SLC13A3: variants seen among roughly 807,000 people sequenced by gnomAD.
SLC13A3 encodes Na(+)/dicarboxylate cotransporter 3.
In SLC13A3, 40 loss-of-function variants were observed where a neutral mutation model predicts 59.0. The observed-to-expected ratio is 0.68, with a 90% CI of 0.53 to 0.88. SLC13A3 has a LOEUF of 0.88. SLC13A3 is among the 40% of genes least tolerant of loss of function. The probability of loss-of-function intolerance (pLI) is 0.00; values close to 1 mark genes in which losing one functional copy is unlikely to be tolerated. For synonymous variants in SLC13A3, 317 were observed against 330.3 expected (o/e 0.96, Z 0.44); for missense variants, 699 against 783.2 (o/e 0.89, Z 1.28).
At chr20:46,649,637 C>G (rs1418575772) in intron 1 of SLC13A3, among the ~76,000 whole-genome samples, 1 of 152,156 alleles carries the variant, frequency 6.6e-6, no homozygotes, top group Non-Finnish European at 1.5e-5. Flanking sequence ...CACATCAATC[C>G]CAGAAGCTAG....
chr20:46,682,147 CATCCAAAAACTCAATA>C (rs1477551116), intron 1 of SLC13A3: 1 of 152,158 alleles, frequency 6.6e-6, no homozygotes, highest in Admixed American at 6.5e-5. Flanking sequence ...TTTAAGGAGG[CATCCAAAAACTCAATA>C]ATCCAAAAAA....
chr20:46,631,355 A>G (rs2062734272), intron 1 of SLC13A3, among the ~76,000 whole-genome samples: 1 of 152,194 alleles, frequency 6.6e-6, no homozygotes, highest in Admixed American at 6.5e-5. Flanking sequence ...AGTACATACA[A>G]TGGAGGAAGT....
intron 1 of SLC13A3, among the ~76,000 whole-genome samples, chr20:46,635,689 G>A (rs1206022042): frequency 6.6e-6 from 1 of 152,314 alleles, no homozygotes; most frequent in Admixed American, 6.5e-5. Flanking sequence ...ATGAGGCTGA[G>A]ACCTGCTGGG....
At chr20:46,570,610 T>A (rs962630909) in intron 10 of SLC13A3, among the ~76,000 whole-genome samples, 1 of 152,190 alleles carries the variant, frequency 6.6e-6, no homozygotes, top group African/African-American at 2.4e-5. Flanking sequence ...TCCCACCACA[T>A]ATCACAGCCT....
intron 1 of SLC13A3, among the ~76,000 whole-genome samples, chr20:46,656,557 A>T (rs2062995886): frequency 6.8e-6 from 1 of 146,806 alleles, no homozygotes; most frequent in Non-Finnish European, 1.5e-5. Context: ...ATTATACTGT[A>T]TATGATATAT....
At chr20:46,601,892 A>AG (rs931409556) in intron 3 of SLC13A3, among the ~76,000 whole-genome samples, 1 of 152,114 alleles carries the variant, frequency 6.6e-6, no homozygotes, top group Non-Finnish European at 1.5e-5. Flanking sequence ...GAGAAGTGGC[A>AG]GGGGGTGGAG....
intron 3 of SLC13A3, chr20:46,609,059 T>TA: frequency 6.5e-7 from 1 of 1,550,072 alleles, no homozygotes; most frequent in Non-Finnish European, 8.7e-7. Flanking sequence ...GTTCTATTCC[T>TA]AAAAGAACAA....
intron 1 of SLC13A3, among the ~76,000 whole-genome samples, chr20:46,617,498 C>G (rs1180175499): frequency 1.3e-5 from 2 of 152,144 alleles, no homozygotes; most frequent in African/African-American, 4.8e-5. Flanking sequence ...TTCTCAAACC[C>G]AAATCACCTT....
chr20:46,576,780 G>A (rs772216065), intron 9 of SLC13A3, among the ~76,000 whole-genome samples: 12 of 152,122 alleles, frequency 7.9e-5, no homozygotes, highest in Non-Finnish European at 1.5e-4. Context: ...GACACTTCCT[G>A]GTCAAGCAGT....
chr20:46,577,861 G>A lies in SLC13A3; in HGVS notation c.1220-2176C>T, dbSNP rs116867831. Among the ~76,000 whole-genome samples, 859 of 152,262 alleles carry A rather than the reference G, an allele frequency of 5.6e-3. 20 individuals carry two copies. In the East Asian group the frequency reaches 0.064, roughly 11 times the overall value. ...CAGTGTCACTACCTTTCTGAGCCTC[G>A]ATTTCCTCTTCTGCAAAATGGGCTA... On this transcript the variant is annotated intron_variant, in intron 9 of 12. Transcript: ENST00000279027.
intron 6 of SLC13A3, among the ~76,000 whole-genome samples, chr20:46,592,052 A>T (rs551729815): frequency 6.0e-4 from 89 of 149,446 alleles, no homozygotes; most frequent in Middle Eastern, 6.9e-3. Flanking sequence ...ACAAAAAATT[A>T]AAAAAAAAAA....
intron 4 of SLC13A3, among the ~76,000 whole-genome samples, chr20:46,599,373 TGGACGTGTAA>T (rs1393939809): frequency 6.6e-6 from 1 of 152,266 alleles, no homozygotes; most frequent in Admixed American, 6.5e-5. Context: ...TGCTAACATC[TGGACGTGTAA>T]GGTCCAGCCA....
intron 4 of SLC13A3, among the ~76,000 whole-genome samples, chr20:46,596,636 T>TC (rs1347483703): frequency 1.3e-5 from 2 of 152,260 alleles, no homozygotes; most frequent in African/African-American, 4.8e-5. Flanking sequence ...AAGATGACTC[T>TC]CTTCCTGAAT....
At chr20:46,646,994 C>G (rs2062901284) in intron 1 of SLC13A3, among the ~76,000 whole-genome samples, 1 of 152,276 alleles carries the variant, frequency 6.6e-6, no homozygotes. Context: ...GGGCCTCTGA[C>G]CTTACAGGTG....
intron 12 of SLC13A3, among the ~76,000 whole-genome samples, chr20:46,561,957 G>A (rs1222699887): frequency 6.6e-6 from 1 of 152,134 alleles, no homozygotes; most frequent in Non-Finnish European, 1.5e-5. Context: ...TCCCTGCCCG[G>A]GACTGGCTGA....
At chr20:46,632,451 C>G in intron 1 of SLC13A3, among the ~76,000 whole-genome samples, 1 of 113,448 alleles carries the variant, frequency 8.8e-6, no homozygotes, top group African/African-American at 3.3e-5. Context: ...GGAAGAAGGC[C>G]AGCCCCCAAG....
chr20:46,671,467 C>G (rs934944761), upstream of SLC13A3, among the ~76,000 whole-genome samples: 1 of 151,972 alleles, frequency 6.6e-6, no homozygotes, highest in African/African-American at 2.4e-5. Context: ...GCCTACAACA[C>G]AGTGTTTTTC....
chr20:46,582,774 T>A (rs146712660), intron 9 of SLC13A3: 1 of 985,196 alleles, frequency 1.0e-6, no homozygotes, highest in East Asian at 1.1e-4. Flanking sequence ...TTGATTATAG[T>A]CCCTATTTCC....
intron 1 of SLC13A3, chr20:46,681,647 T>C (rs1193142561): frequency 6.6e-6 from 1 of 152,220 alleles, no homozygotes; most frequent in Non-Finnish European, 1.5e-5. Flanking sequence ...TTGTTTTCTA[T>C]TGCTTTTAAC....
Sources: gnomAD v4.1 joint callset for allele counts (sites outside exome capture counted in the v4.1 genomes callset) on GRCh38, gnomAD v4.1.1 for gene constraint, MANE v1.5 for transcripts, NCBI Gene and HGNC (gene_info 2026-07-23, HGNC 2026-07-21) for gene names.